Variants in TMEFF2 observed in about 807,000 individuals in gnomAD.
TMEFF2 encodes tomoregulin-2.
In TMEFF2, 28 loss-of-function variants were observed where a neutral mutation model predicts 53.8. That is an observed-to-expected ratio of 0.52 (90% confidence interval 0.39 to 0.71). TMEFF2 has a LOEUF of 0.71. Ranked by LOEUF, TMEFF2 falls within the 30% of genes least tolerant of loss-of-function variation. The probability of loss-of-function intolerance (pLI) is 0.00; values close to 1 mark genes in which losing one functional copy is unlikely to be tolerated. For synonymous variants in TMEFF2, 162 were observed against 166.3 expected (o/e 0.97, Z 0.20); for missense variants, 353 against 455.2 (o/e 0.78, Z 2.04).
chr2:192,172,457 C>T (rs971646588), intron 4 of TMEFF2, among the ~76,000 whole-genome samples: 1 of 151,844 alleles, frequency 6.6e-6, no homozygotes, highest in East Asian at 1.9e-4. Flanking sequence ...AAGTGGTGAG[C>T]CAGGATCATA....
In TMEFF2 at chr2:191,954,177, G is replaced by A. The variant is rs541196087; in HGVS notation, c.870-340C>T. ...GCTGGGATTACAGGCGTGAGCCACC[G>A]CGCCCGGCCTGCATTCATTTTTATA... On this transcript the variant is annotated intron_variant, in intron 8 of 9. Coordinates refer to ENST00000272771, the MANE Select transcript of TMEFF2 (RefSeq NM_016192.4). Among the ~76,000 whole-genome samples the A allele has an allele frequency of 6.6e-5, 10 of 152,172 alleles. No homozygotes were observed. The South Asian group carries it at 1.9e-3, about 28-fold the overall frequency.
chr2:192,104,021 A>G (rs1369067361), intron 4 of TMEFF2, among the ~76,000 whole-genome samples: 1 of 152,066 alleles, frequency 6.6e-6, no homozygotes, highest in African/African-American at 2.4e-5. Flanking sequence ...TTCATTATGA[A>G]GGCACATTCT....
At chr2:192,014,846 T>C (rs1686710112) in intron 5 of TMEFF2, among the ~76,000 whole-genome samples, 1 of 152,228 alleles carries the variant, frequency 6.6e-6, no homozygotes. Context: ...GTATTACTTA[T>C]GCAACTATTA....
chr2:192,140,179 A>C (rs1690103725), intron 4 of TMEFF2, among the ~76,000 whole-genome samples: 1 of 152,182 alleles, frequency 6.6e-6, no homozygotes, highest in South Asian at 2.1e-4. Flanking sequence ...TAAATGAAAA[A>C]TCTTAGATTT....
chr2:191,978,710 A>G (rs536609554), intron 7 of TMEFF2, among the ~76,000 whole-genome samples: 144 of 152,316 alleles, frequency 9.5e-4, no homozygotes, highest in African/African-American at 3.4e-3. Flanking sequence ...ACCTAAAATG[A>G]AATTGTGGTG....
chr2:191,987,771 TTGGCTC>T, intron 7 of TMEFF2, among the ~76,000 whole-genome samples: 1 of 152,328 alleles, frequency 6.6e-6, no homozygotes, highest in South Asian at 2.1e-4. Context: ...TTGTAAGTCA[TTGGCTC>T]TAAAATCCAA....
intron 5 of TMEFF2, among the ~76,000 whole-genome samples, chr2:192,025,613 G>A (rs1290106995): frequency 6.6e-6 from 1 of 151,972 alleles, no homozygotes; most frequent in Non-Finnish European, 1.5e-5. Flanking sequence ...TCTATGGGAA[G>A]AGATCTGTAG....
chr2:191,965,831 C>G lies in TMEFF2; in HGVS notation c.746-9453G>C, dbSNP rs193058638. Among the ~76,000 whole-genome samples the G allele has an allele frequency of 4.5e-3, 691 of 152,220 alleles. 6 individuals carry two copies. The highest frequency in any genetic ancestry group is 0.016 in the African/African-American group (665 of 41,520). On this transcript the variant is annotated intron_variant, in intron 7 of 9. Coordinates refer to ENST00000272771, the MANE Select transcript of TMEFF2 (RefSeq NM_016192.4). ...TCCTCTAAGAAACTTCTGCAATGTTCTCTTCTGTCTCCTCAGTCTGGGCTC... is the reference window on the plus strand; with the variant it reads ...TCCTCTAAGAAACTTCTGCAATGTTGTCTTCTGTCTCCTCAGTCTGGGCTC...
chr2:192,147,430 A>G, intron 4 of TMEFF2, among the ~76,000 whole-genome samples: 1 of 151,926 alleles, frequency 6.6e-6, no homozygotes. Context: ...TGCTGCACCC[A>G]TTAACTCGTC....
At chr2:192,176,451 G>A (rs1385087992) in intron 4 of TMEFF2, among the ~76,000 whole-genome samples, 4 of 151,274 alleles carry the variant, frequency 2.6e-5, no homozygotes, top group East Asian at 1.9e-4. Flanking sequence ...AGCGAAATGC[G>A]ACAGCCAAAC....
intron 5 of TMEFF2, among the ~76,000 whole-genome samples, chr2:192,009,504 T>C (rs1384599330): frequency 6.6e-6 from 1 of 152,154 alleles, no homozygotes; most frequent in Non-Finnish European, 1.5e-5. Flanking sequence ...AATGAAATCA[T>C]GCTGGTATTA....
intron 5 of TMEFF2, among the ~76,000 whole-genome samples, chr2:192,003,490 T>A (rs1686416987): frequency 6.6e-6 from 1 of 152,218 alleles, no homozygotes; most frequent in Admixed American, 6.5e-5. Context: ...TGAATTTAAA[T>A]CATATTGACT....
intron 4 of TMEFF2, among the ~76,000 whole-genome samples, chr2:192,123,907 G>A (rs761146010): frequency 6.6e-6 from 1 of 152,198 alleles, no homozygotes; most frequent in East Asian, 1.9e-4. Flanking sequence ...GCAGGATTAT[G>A]AGAAATAAGA....
At chr2:192,104,012 T>G (rs1574375793) in intron 4 of TMEFF2, among the ~76,000 whole-genome samples, 1 of 152,146 alleles carries the variant, frequency 6.6e-6, no homozygotes, top group East Asian at 1.9e-4. Context: ...TTTCCAACTT[T>G]CATTATGAAG....
At chr2:192,068,697 A>T (rs1266051303) in intron 4 of TMEFF2, among the ~76,000 whole-genome samples, 1 of 151,882 alleles carries the variant, frequency 6.6e-6, no homozygotes, top group Non-Finnish European at 1.5e-5. Flanking sequence ...GTACTTGCCT[A>T]CTATGGGCAT....
intron 4 of TMEFF2, among the ~76,000 whole-genome samples, chr2:192,099,049 C>T (rs1356300237): frequency 1.3e-5 from 2 of 152,090 alleles, no homozygotes; most frequent in Non-Finnish European, 2.9e-5. Context: ...CAAAGACAGC[C>T]AGGTACCATC....
rs371212442 is a variant in TMEFF2 at position 192,185,876 on chromosome 2, A to G, written c.283-1393T>C. Among the ~76,000 whole-genome samples, 33 of 152,232 alleles carry G rather than the reference A, an allele frequency of 2.2e-4. No homozygotes were observed. In the South Asian group the frequency reaches 6.2e-3, roughly 29 times the overall value. On this transcript the variant is annotated intron_variant, in intron 2 of 9. Transcript: ENST00000272771. ...TTCTATAAGTTTTACTTTTTCATAT[A>G]TTATTAACAACTTAAATATAATGTT...
At position 192,075,285 on chromosome 2, in the gene TMEFF2, TTATATATA is replaced by T. The variant is rs111733023; in HGVS notation, c.440-17518_440-17511del. 4.5e-3 allele frequency among the ~76,000 whole-genome samples: 293 copies of T among 65,746 alleles called. 11 individuals are homozygous for T. Among genetic ancestry groups the T allele is most frequent in the East Asian group, 0.026 (12 of 470 alleles). The allele number at this position is 65,746 out of a possible 152,430, so 43.1% of individuals were successfully genotyped here. A position where few individuals can be genotyped will look rare whatever the true frequency, so the allele number is the denominator to read the frequency against. On this transcript the variant is annotated intron_variant, in intron 4 of 9. Coordinates refer to ENST00000272771, the MANE Select transcript of TMEFF2 (RefSeq NM_016192.4). The stretch of plus-strand genomic sequence containing the variant: ...TTATTATACCCAGAGTACAGTACTA[TTATATATA>T]TATATATATATATATATATATATAT...
At chr2:192,154,228 A>G (rs1042066997) in intron 4 of TMEFF2, among the ~76,000 whole-genome samples, 1 of 151,924 alleles carries the variant, frequency 6.6e-6, no homozygotes, top group Non-Finnish European at 1.5e-5. Flanking sequence ...GAAGTGGTGT[A>G]TGTTTGTGGG....
Sources: allele counts gnomAD v4.1 joint callset (sites outside exome capture counted in the v4.1 genomes callset), GRCh38; gene constraint gnomAD v4.1.1; transcripts MANE v1.5; gene names NCBI Gene and HGNC (gene_info 2026-07-23, HGNC 2026-07-21).